FRMD5: variants seen among roughly 807,000 people sequenced by gnomAD.
FRMD5 encodes FERM domain containing 5.
A neutral mutation model predicts 69.0 loss-of-function variants in FRMD5; 20 were observed. The observed-to-expected ratio is 0.29, with a 90% CI of 0.20 to 0.42. The LOEUF (loss-of-function observed/expected upper bound fraction) is 0.42. Among genes scored for constraint, FRMD5 ranks in the 10% least tolerant of loss-of-function variants. The pLI, the probability that FRMD5 is intolerant of heterozygous loss-of-function variation, is 1.00. For synonymous variants in FRMD5, 271 were observed against 260.1 expected, an observed-to-expected ratio of 1.04 and a Z score of -0.40; for missense variants, 595 against 708.6, an observed-to-expected ratio of 0.84 and a Z score of 1.82.
chr15:43,919,625 G>T, intron 3 of FRMD5, 88 bp from the exon 4 acceptor site: 1 of 1,469,128 alleles, frequency 6.8e-7, no homozygotes, highest in Non-Finnish European at 9.5e-7. Context: ...AGCAGCAGAA[G>T]AGAACCCTCA....
intron 1 of FRMD5, among the ~76,000 whole-genome samples, chr15:43,955,374 A>G (rs1034031111): frequency 6.6e-6 from 1 of 152,212 alleles, no homozygotes; most frequent in Non-Finnish European, 1.5e-5. Context: ...CATTAGACCA[A>G]GGGCAAGTCA....
intron 1 of FRMD5, among the ~76,000 whole-genome samples, chr15:44,079,997 G>A (rs904138266): frequency 2.0e-5 from 3 of 151,996 alleles, no homozygotes; most frequent in South Asian, 2.1e-4. Flanking sequence ...TTCAGTTTGG[G>A]AAGATTTAAA....
upstream of FRMD5, among the ~76,000 whole-genome samples, chr15:44,196,918 T>C (rs190882855): frequency 3.3e-5 from 5 of 152,266 alleles, no homozygotes; most frequent in East Asian, 9.6e-4. Context: ...GAGTTAGTTA[T>C]GAGTCTAGAA....
At chr15:44,017,028 C>T (rs1189648100) in intron 1 of FRMD5, among the ~76,000 whole-genome samples, 2 of 151,992 alleles carry the variant, frequency 1.3e-5, no homozygotes, top group Admixed American at 6.6e-5. Flanking sequence ...CCTCAGCCTC[C>T]CAAAGTGCTG....
chr15:44,152,271 T>A (rs1023723224), intron 1 of FRMD5, among the ~76,000 whole-genome samples: 1 of 152,194 alleles, frequency 6.6e-6, no homozygotes, highest in Non-Finnish European at 1.5e-5. Flanking sequence ...TAAACACTAT[T>A]GTACATCTTT....
intron 1 of FRMD5, among the ~76,000 whole-genome samples, chr15:44,046,698 T>A (rs1418363549): frequency 6.6e-6 from 1 of 152,234 alleles, no homozygotes; most frequent in East Asian, 1.9e-4. Flanking sequence ...ATGGTCACTA[T>A]AATTTTTCTA....
At chr15:43,941,452 C>T (rs1368580129) in intron 1 of FRMD5, among the ~76,000 whole-genome samples, 1 of 152,170 alleles carries the variant, frequency 6.6e-6, no homozygotes, top group Non-Finnish European at 1.5e-5. Context: ...GTTTTAGATG[C>T]TCTTTTCTGA....
At chr15:43,977,821 C>T (rs1180870618) in intron 1 of FRMD5, among the ~76,000 whole-genome samples, 1 of 152,122 alleles carries the variant, frequency 6.6e-6, no homozygotes, top group Non-Finnish European at 1.5e-5. Context: ...ATCTAGTCCC[C>T]TGCGATTTTG....
At chr15:44,168,363 T>C (rs1232166373) in intron 1 of FRMD5, among the ~76,000 whole-genome samples, 1 of 152,230 alleles carries the variant, frequency 6.6e-6, no homozygotes, top group Non-Finnish European at 1.5e-5. Flanking sequence ...CCTTTATGAA[T>C]TTAGGATCCT....
chr15:44,033,837 G>A (rs913858310), intron 1 of FRMD5, among the ~76,000 whole-genome samples: 1 of 152,116 alleles, frequency 6.6e-6, no homozygotes, highest in Admixed American at 6.5e-5. Flanking sequence ...GAGTGAAAAC[G>A]GTTTGTCCCT....
intron 1 of FRMD5, among the ~76,000 whole-genome samples, chr15:44,082,116 G>T (rs1227421922): frequency 1.3e-5 from 2 of 151,714 alleles, no homozygotes; most frequent in African/African-American, 4.8e-5. Context: ...TCTTATGACT[G>T]TTCAAAATTT....
intron 1 of FRMD5, among the ~76,000 whole-genome samples, chr15:44,062,803 C>A (rs1362934142): frequency 6.6e-6 from 1 of 152,088 alleles, no homozygotes; most frequent in Non-Finnish European, 1.5e-5. Flanking sequence ...CAATCCCCCC[C>A]AGATACAGAG....
intron 1 of FRMD5, among the ~76,000 whole-genome samples, chr15:44,156,296 A>G (rs1008076275): frequency 6.6e-6 from 1 of 152,042 alleles, no homozygotes; most frequent in Middle Eastern, 3.2e-3. Context: ...AGCAGGCGCC[A>G]CCACGCCCAA....
chr15:44,150,686 C>G (rs1238213565), intron 1 of FRMD5, among the ~76,000 whole-genome samples: 1 of 150,344 alleles, frequency 6.7e-6, no homozygotes, highest in African/African-American at 2.5e-5. Flanking sequence ...CCCAGCTACT[C>G]AGGAAGATGA....
chr15:43,913,484 T>C (rs564237440), intron 4 of FRMD5, among the ~76,000 whole-genome samples: 7 of 152,372 alleles, frequency 4.6e-5, no homozygotes, highest in Admixed American at 4.6e-4. Flanking sequence ...TGTGTTTGGT[T>C]CATTTAAGAA....
At chr15:44,145,527 A>G (rs1272821198) in intron 1 of FRMD5, among the ~76,000 whole-genome samples, 1 of 152,212 alleles carries the variant, frequency 6.6e-6, no homozygotes, top group Non-Finnish European at 1.5e-5. Context: ...AGGAAAAATT[A>G]AATGCAAACT....
At chr15:43,891,851 C>T (rs2088799844) in intron 8 of FRMD5, 130 bp downstream of exon 8, 3 of 712,308 alleles carry the variant, frequency 4.2e-6, no homozygotes, top group African/African-American at 1.8e-5. Context: ...TCAGTTACCA[C>T]CATCAACGCA....
intron 1 of FRMD5, among the ~76,000 whole-genome samples, chr15:44,011,989 C>T (rs1005367566): frequency 6.6e-6 from 1 of 152,150 alleles, no homozygotes; most frequent in Non-Finnish European, 1.5e-5. Flanking sequence ...CTATTCAATT[C>T]ATATTTGTTG....
intron 1 of FRMD5, among the ~76,000 whole-genome samples, chr15:44,120,515 G>T (rs1038674124): frequency 6.7e-6 from 1 of 149,152 alleles, no homozygotes; most frequent in Non-Finnish European, 1.5e-5. Flanking sequence ...CAAAAGTAGG[G>T]ATTATTGGGA....
Sources: allele counts gnomAD v4.1 joint callset (sites outside exome capture counted in the v4.1 genomes callset), GRCh38; gene constraint gnomAD v4.1.1; transcripts MANE v1.5; gene names NCBI Gene and HGNC (gene_info 2026-07-23, HGNC 2026-07-21).